MYRIP: variants seen among roughly 807,000 people sequenced by gnomAD.
The protein encoded by MYRIP is myosin VIIA and Rab interacting protein.
In MYRIP, 49 loss-of-function variants were observed where a neutral mutation model predicts 98.0. The ratio of observed to expected loss-of-function variants is 0.50; its 90% CI spans 0.40 to 0.63. MYRIP has a LOEUF of 0.63. MYRIP is among the 30% of genes least tolerant of loss of function. MYRIP has a pLI of 0.00. For synonymous variants in MYRIP, 404 were observed against 409.5 expected, an observed-to-expected ratio of 0.99 and a Z score of 0.16; for missense variants, 1,004 against 1,058.2, an observed-to-expected ratio of 0.95 and a Z score of 0.71.
intron 3 of MYRIP, among the ~76,000 whole-genome samples, chr3:40,081,882 TCTA>T (rs1030488848): frequency 6.6e-6 from 1 of 152,220 alleles, no homozygotes; most frequent in African/African-American, 2.4e-5. Context: ...TATTATGAGT[TCTA>T]CTGTTTTATA....
At position 39,936,035 on chromosome 3, in the gene MYRIP, C is replaced by T. The variant is rs532399333; in HGVS notation, c.110+35109C>T. Reference sequence around the variant, plus strand: ...CATCTGTGTAATACTGTTAACCTTCCTAGGAGAGTCAAATATTATGTTATT... The same window carrying T: ...CATCTGTGTAATACTGTTAACCTTCTTAGGAGAGTCAAATATTATGTTATT... On this transcript the variant is annotated intron_variant, in intron 2 of 16. Coordinates refer to ENST00000302541, the MANE Select transcript of MYRIP (RefSeq NM_015460.4). Among the ~76,000 whole-genome samples the T allele has an allele frequency of 1.8e-3, 281 of 152,216 alleles. 1 individual carries two copies. Among genetic ancestry groups the T allele is most frequent in the African/African-American group, 6.4e-3 (266 of 41,544 alleles).
In MYRIP at chr3:40,233,910, A is replaced by C. The variant is rs755990137; in HGVS notation, c.1957A>C (p.Ile653Leu). Reference sequence around the variant, plus strand: ...CATCTCCACAGAAGTCCTGAAAGTCATCAATGCCACAGAGGAGTTGATAGC... The same window carrying C: ...CATCTCCACAGAAGTCCTGAAAGTCCTCAATGCCACAGAGGAGTTGATAGC... Reference protein sequence around the residue: ...CNISTEVLKVINATEELIAGS... With the variant: ...CNISTEVLKVLNATEELIAGS... Residue 653 changes from isoleucine (I) to leucine (L), a missense_variant, in exon 12 of 17, where the codon ATC (isoleucine) becomes CTC (leucine). This residue lies in a region of MYRIP where 880 missense variants were observed against 907.7 expected (regional missense o/e 0.97). Transcript: ENST00000302541. 2 of 1,613,662 alleles carry C rather than the reference A, an allele frequency of 1.2e-6. No individual in the cohort carries two copies. The highest frequency in any genetic ancestry group is 2.2e-5 in the East Asian group (1 of 44,866).
intron 2 of MYRIP, among the ~76,000 whole-genome samples, chr3:39,921,753 T>A (rs1469605175): frequency 6.6e-6 from 1 of 151,978 alleles, no homozygotes; most frequent in African/African-American, 2.4e-5. Flanking sequence ...TGGTGGCACA[T>A]GCCTGTAGTC....
chr3:40,038,851 A>C (rs1289712675), intron 2 of MYRIP, among the ~76,000 whole-genome samples: 1 of 152,082 alleles, frequency 6.6e-6, no homozygotes, highest in Non-Finnish European at 1.5e-5. Flanking sequence ...TGACTCCTAC[A>C]TATGCAGCCA....
chr3:39,889,068 T>C (rs1306434925), intron 1 of MYRIP, among the ~76,000 whole-genome samples: 7 of 151,972 alleles, frequency 4.6e-5, no homozygotes, highest in African/African-American at 7.2e-5. Flanking sequence ...GGAACACTTT[T>C]ACACTGTTGG....
intron 12 of MYRIP, among the ~76,000 whole-genome samples, chr3:40,235,670 C>T (rs547247724): frequency 5.3e-5 from 8 of 152,206 alleles, no homozygotes; most frequent in Non-Finnish European, 1.0e-4. Flanking sequence ...CATTTCATCC[C>T]GTTTTTACTT....
chr3:40,192,022 C>T (rs758470680), intron 10 of MYRIP, among the ~76,000 whole-genome samples: 7 of 151,824 alleles, frequency 4.6e-5, no homozygotes, highest in Non-Finnish European at 8.8e-5. Flanking sequence ...TGGGGAGTGA[C>T]CTTGAGCTAG....
intron 2 of MYRIP, among the ~76,000 whole-genome samples, chr3:39,916,492 G>T (rs1390237207): frequency 6.6e-6 from 1 of 151,550 alleles, no homozygotes; most frequent in Non-Finnish European, 1.5e-5. Context: ...GTATATTCAT[G>T]CCATTATATT....
chr3:40,211,087 C>T (rs1351005783), intron 11 of MYRIP, among the ~76,000 whole-genome samples: 2 of 152,106 alleles, frequency 1.3e-5, no homozygotes, highest in Non-Finnish European at 2.9e-5. Context: ...GAAACTGAAC[C>T]TGAGTCATTG....
chr3:39,856,810 A>C (rs1304120296), intron 1 of MYRIP, among the ~76,000 whole-genome samples: 1 of 152,208 alleles, frequency 6.6e-6, no homozygotes, highest in Non-Finnish European at 1.5e-5. Flanking sequence ...TGAAGAGATA[A>C]TTAACTCCCC....
Position 40,025,305 on chromosome 3 carries a change from G to C in MYRIP, c.111-18745G>C, listed in dbSNP as rs182835825. On this transcript the variant is annotated intron_variant, in intron 2 of 16. Coordinates refer to ENST00000302541, the MANE Select transcript of MYRIP (RefSeq NM_015460.4). ...ACATTTGGAGGGAATGTTTAAATTT[G>C]ATTTTCTTTACTCATAAATCTGTGG... 4.6e-5 allele frequency among the ~76,000 whole-genome samples: 7 copies of C among 152,018 alleles called. No homozygotes were observed. In the East Asian group the frequency reaches 1.4e-3, roughly 29 times the overall value.
chr3:40,258,248 T>C lies in MYRIP; in HGVS notation c.*82T>C. On this transcript the variant is annotated 3_prime_UTR_variant, in exon 17 of 17. Transcript: ENST00000302541. ...TTGACCCAACAGCCATCGAGTACTGTATGTATTTCCACCTGAGGAGAAGGC... is the reference window on the plus strand; with the variant it reads ...TTGACCCAACAGCCATCGAGTACTGCATGTATTTCCACCTGAGGAGAAGGC... 1.3e-6 allele frequency: 2 copies of C among 1,536,268 alleles called. No individual in the cohort carries two copies. Among genetic ancestry groups the C allele is most frequent in the East Asian group, 2.3e-5 (1 of 44,424 alleles).
intron 2 of MYRIP, among the ~76,000 whole-genome samples, chr3:39,984,176 G>A (rs1003380822): frequency 6.9e-6 from 1 of 145,226 alleles, no homozygotes; most frequent in Admixed American, 6.8e-5. Context: ...GTCCAGGACA[G>A]AGAGGTTGTA....
chr3:40,179,377 G>C (rs1184599606), intron 8 of MYRIP, among the ~76,000 whole-genome samples: 1 of 152,126 alleles, frequency 6.6e-6, no homozygotes, highest in African/African-American at 2.4e-5. Context: ...CCTACTCTCT[G>C]CTGTTGGGAC....
intron 13 of MYRIP, 101 bp from the exon 14 acceptor site, chr3:40,250,121 C>A: frequency 2.2e-6 from 2 of 916,760 alleles, no homozygotes; most frequent in Admixed American, 2.1e-5. Flanking sequence ...AATGAGCATA[C>A]ATCAAAGCAG....
chr3:39,840,053 C>G (rs1364832698), intron 1 of MYRIP, among the ~76,000 whole-genome samples: 2 of 152,100 alleles, frequency 1.3e-5, no homozygotes, highest in Non-Finnish European at 2.9e-5. Flanking sequence ...ATTGATCTGT[C>G]TAATATTGAC....
At chr3:39,906,784 A>C (rs907152987) in intron 2 of MYRIP, among the ~76,000 whole-genome samples, 101 of 152,198 alleles carry the variant, frequency 6.6e-4, no homozygotes, top group African/African-American at 2.4e-3. Context: ...TTATAGCTGC[A>C]CCAGGTACTG....
chr3:40,122,381 A>T (rs904950270), intron 3 of MYRIP, among the ~76,000 whole-genome samples: 1 of 151,508 alleles, frequency 6.6e-6, no homozygotes, highest in Non-Finnish European at 1.5e-5. Flanking sequence ...AGGCCTTTAT[A>T]TATTTTGAAT....
intron 3 of MYRIP, among the ~76,000 whole-genome samples, chr3:40,100,415 T>A (rs557293173): frequency 1.3e-5 from 2 of 152,372 alleles, no homozygotes; most frequent in African/African-American, 2.4e-5. Context: ...TTTAGCATTT[T>A]GCATATGCAT....
Sources: gnomAD v4.1 joint callset for allele counts (sites outside exome capture counted in the v4.1 genomes callset) on GRCh38, gnomAD v4.1.1 for gene constraint, gnomAD v4.1.1 regional missense constraint, MANE v1.5 for transcripts, NCBI Gene and HGNC (gene_info 2026-07-23, HGNC 2026-07-21) for gene names.